Variants in ULK2 observed in about 807,000 individuals in gnomAD.
The protein encoded by ULK2 is serine/threonine-protein kinase ULK2.
Under a neutral mutation model 127.5 loss-of-function variants are expected in ULK2, and 76 were observed. The ratio of observed to expected loss-of-function variants is 0.60; its 90% confidence interval spans 0.50 to 0.72. ULK2 has a LOEUF of 0.72. Ranked by LOEUF, ULK2 falls within the 30% of genes least tolerant of loss-of-function variation. The probability of loss-of-function intolerance (pLI) is 0.00; values close to 1 mark genes in which losing one functional copy is unlikely to be tolerated. For missense variants in ULK2, 1,144 were observed against 1,295.9 expected (o/e 0.88, Z 1.80); for synonymous variants, 452 against 461.9 (o/e 0.98, Z 0.28).
chr17:19,820,050 T>C (rs1272697330), intron 12 of ULK2, among the ~76,000 whole-genome samples: 13 of 16,478 alleles, frequency 7.9e-4, no homozygotes, highest in Admixed American at 3.3e-3. Flanking sequence ...TGCAACTTTA[T>C]TTATTTTTTT....
intron 12 of ULK2, among the ~76,000 whole-genome samples, chr17:19,821,597 G>A (rs1259609089): frequency 6.6e-6 from 1 of 152,204 alleles, no homozygotes; most frequent in Non-Finnish European, 1.5e-5. Flanking sequence ...ATTTTTGGCA[G>A]ATGATGTTAA....
At chr17:19,844,914 G>A (rs1465384726) in intron 7 of ULK2, among the ~76,000 whole-genome samples, 1 of 152,168 alleles carries the variant, frequency 6.6e-6, no homozygotes, top group Non-Finnish European at 1.5e-5. Context: ...CAGGGATCCT[G>A]TCACGAGAGT....
At chr17:19,797,710 C>A in intron 17 of ULK2, 28 bp from the exon 18 acceptor site, 5 of 1,448,428 alleles carry the variant, frequency 3.5e-6, no homozygotes, top group South Asian at 1.6e-5. Flanking sequence ...GTAACATTAA[C>A]CTGAAGTGAA....
intron 13 of ULK2, among the ~76,000 whole-genome samples, chr17:19,814,438 ATTT>A (rs1187090319): frequency 9.0e-4 from 21 of 23,318 alleles, no homozygotes; most frequent in African/African-American, 3.6e-3. Flanking sequence ...ATATATATAT[ATTT>A]TTTTTTTTTT....
intron 25 of ULK2, among the ~76,000 whole-genome samples, chr17:19,779,478 G>A (rs1052609655): frequency 6.9e-6 from 1 of 143,992 alleles, no homozygotes; most frequent in Admixed American, 7.3e-5. Flanking sequence ...GTTGCAGTGA[G>A]CCAAGATCAT....
intron 7 of ULK2, among the ~76,000 whole-genome samples, chr17:19,844,572 T>C (rs544473426): frequency 7.9e-5 from 12 of 151,928 alleles, no homozygotes; most frequent in African/African-American, 2.4e-4. Flanking sequence ...TATAAAATTA[T>C]AAAATTATAT....
chr17:19,842,466 G>C (rs892355376), intron 8 of ULK2, among the ~76,000 whole-genome samples: 3 of 151,830 alleles, frequency 2.0e-5, no homozygotes, highest in African/African-American at 7.3e-5. Context: ...CAAAGTGCTG[G>C]GATTACAGGT....
Position 19,846,827 on chromosome 17 carries a change from T to C in ULK2, c.379A>G (p.Ile127Val). The C allele has an allele frequency of 6.2e-7, 1 of 1,614,064 alleles. No homozygotes were observed. Among genetic ancestry groups the C allele is most frequent in the Non-Finnish European group, 8.5e-7 (1 of 1,179,978 alleles). Residue 127 changes from isoleucine (I) to valine (V), a missense_variant, in exon 6 of 27, where the codon ATC becomes GTC. Ile to Val is a conservative substitution (Grantham distance 29). Coordinates refer to ENST00000395544, the MANE Select transcript of ULK2 (RefSeq NM_014683.4). The part of the protein sequence containing the change: ...AAMRILHSKG[I>V]IHRDLKPQNI... ...TGTGGTTTGAGATCTCTGTGGATGA[T>C]TCCTTTGCTGTGCAGGATTCGCATG...
intron 3 of ULK2, among the ~76,000 whole-genome samples, chr17:19,864,156 A>C (rs1044014909): frequency 1.2e-4 from 18 of 152,160 alleles, no homozygotes; most frequent in African/African-American, 4.1e-4. Flanking sequence ...AATAAAAAAA[A>C]TGTTTTTTTA....
intron 3 of ULK2, among the ~76,000 whole-genome samples, chr17:19,852,911 A>G (rs1438126993): frequency 1.3e-5 from 2 of 151,974 alleles, no homozygotes; most frequent in Non-Finnish European, 2.9e-5. Flanking sequence ...CGGCCTCCCA[A>G]AGTGCTGGGA....
intron 12 of ULK2, among the ~76,000 whole-genome samples, chr17:19,819,653 C>G (rs1371492975): frequency 1.3e-5 from 2 of 152,134 alleles, no homozygotes; most frequent in Admixed American, 6.6e-5. Flanking sequence ...AACTCATCAC[C>G]TTTATATTCC....
chr17:19,824,355 G>A (rs544346357), intron 12 of ULK2, among the ~76,000 whole-genome samples: 1 of 148,120 alleles, frequency 6.8e-6, no homozygotes, highest in African/African-American at 2.5e-5. Flanking sequence ...CTGAGGCTGG[G>A]AGAATCGCTT....
intron 12 of ULK2, among the ~76,000 whole-genome samples, chr17:19,821,217 G>A (rs957249725): frequency 1.3e-5 from 2 of 152,188 alleles, no homozygotes; most frequent in African/African-American, 2.4e-5. Flanking sequence ...TGAGGCAGGA[G>A]AATCACTTGA....
At chr17:19,855,473 G>A (rs182188869) in intron 3 of ULK2, among the ~76,000 whole-genome samples, 141 of 151,382 alleles carry the variant, frequency 9.3e-4, no homozygotes, top group African/African-American at 3.2e-3. Context: ...GGTAGCAGGT[G>A]CCTGTAATCC....
intron 25 of ULK2, 58 bp from the exon 26 acceptor site, chr17:19,777,774 A>G: frequency 1.3e-6 from 2 of 1,557,616 alleles, no homozygotes; most frequent in Non-Finnish European, 1.7e-6. Flanking sequence ...ATACAAATCC[A>G]TTTGGGCAAT....
At chr17:19,832,266 CTTTT>C (rs139741876) in intron 10 of ULK2, among the ~76,000 whole-genome samples, 70 of 140,454 alleles carry the variant, frequency 5.0e-4, no homozygotes, top group Non-Finnish European at 7.8e-5. Context: ...GAAACATTTT[CTTTT>C]TTTTTTTTTT....
At chr17:19,783,963 C>G in intron 21 of ULK2, 58 bp from the exon 22 acceptor site, 2 of 1,313,154 alleles carry the variant, frequency 1.5e-6, no homozygotes, top group Non-Finnish European at 2.0e-6. Flanking sequence ...CACACCCACT[C>G]CTACTCTTAT....
chr17:19,821,679 T>G (rs185127271), intron 12 of ULK2, among the ~76,000 whole-genome samples: 2 of 152,316 alleles, frequency 1.3e-5, no homozygotes, highest in Admixed American at 1.3e-4. Context: ...GTTCGTACTT[T>G]CCTTTTTTCC....
chr17:19,853,165 C>T (rs1359371694), intron 3 of ULK2, among the ~76,000 whole-genome samples: 2 of 150,104 alleles, frequency 1.3e-5, no homozygotes, highest in Admixed American at 6.7e-5. Context: ...GACAAGGTCC[C>T]GCTCTATTAC....
Sources: allele counts gnomAD v4.1 joint callset (sites outside exome capture counted in the v4.1 genomes callset), GRCh38; gene constraint gnomAD v4.1.1; transcripts MANE v1.5; gene names NCBI Gene and HGNC (gene_info 2026-07-23, HGNC 2026-07-21).